Variants in AGAP1 observed in about 807,000 individuals in gnomAD.
AGAP1 encodes the protein arf-GAP with GTPase, ANK repeat and PH domain-containing protein 1.
In AGAP1, 29 loss-of-function variants were observed where a neutral mutation model predicts 105.3. The observed-to-expected ratio is 0.28, with a 90% CI of 0.21 to 0.38. The LOEUF (loss-of-function observed/expected upper bound fraction) is 0.38, where lower values mean the gene tolerates loss of function less well. Ranked by LOEUF, AGAP1 falls within the 10% of genes least tolerant of loss-of-function variation. AGAP1 has a pLI of 1.00. For synonymous variants in AGAP1, 509 were observed against 485.9 expected, an observed-to-expected ratio of 1.05 and a Z score of -0.63; for missense variants, 998 against 1,165.1, an observed-to-expected ratio of 0.86 and a Z score of 2.09.
chr2:235,906,434 G>C lies in AGAP1; in HGVS notation c.1156-2304G>C, dbSNP rs1268992587. On this transcript the variant is annotated intron_variant, in intron 10 of 17. Coordinates refer to ENST00000304032, the MANE Select transcript of AGAP1 (RefSeq NM_001037131.3). The surrounding 1 kb of genome is among the most constrained non-coding windows in gnomAD (Gnocchi z 5.3). ...AGACTTCCGTCCTCAGGGGTCACCAGGGACCCTGAAACATCTTGTCCCTCT... is the reference window on the plus strand; with the variant it reads ...AGACTTCCGTCCTCAGGGGTCACCACGGACCCTGAAACATCTTGTCCCTCT... Among the ~76,000 whole-genome samples the C allele has an allele frequency of 6.6e-6, 1 of 152,156 alleles. No individual in the cohort carries two copies. The highest frequency in any genetic ancestry group is 2.4e-5 in the African/African-American group (1 of 41,442).
rs553138123 is a variant in AGAP1 at position 235,701,868 on chromosome 2, A to G, written c.164-7311A>G. Among the ~76,000 whole-genome samples, 6 of 152,210 alleles carry G rather than the reference A, an allele frequency of 3.9e-5. No individual in the cohort carries two copies. The highest frequency in any genetic ancestry group is 1.4e-4 in the African/African-American group (6 of 41,540). Reference sequence around the variant, plus strand: ...CGATGCTCCTCTCCTCTGTGGATGTACCATCTTTCTTCCATTGTTGTTTTG... The same window carrying G: ...CGATGCTCCTCTCCTCTGTGGATGTGCCATCTTTCTTCCATTGTTGTTTTG... On this transcript the variant is annotated intron_variant, in intron 1 of 17. Transcript: ENST00000304032. The surrounding 1 kb of genome is among the most constrained non-coding windows in gnomAD (Gnocchi z 4.1).
At chr2:236,004,852 G>A (rs912980514) in intron 13 of AGAP1, among the ~76,000 whole-genome samples, 1 of 152,154 alleles carries the variant, frequency 6.6e-6, no homozygotes, top group Non-Finnish European at 1.5e-5. Flanking sequence ...ATGATATATT[G>A]TGACGAGATA....
At chr2:235,667,320 G>T (rs1352701453) in intron 1 of AGAP1, among the ~76,000 whole-genome samples, 1 of 152,186 alleles carries the variant, frequency 6.6e-6, no homozygotes, top group Non-Finnish European at 1.5e-5. Context: ...GAGTAAGTCT[G>T]TGAAAGTTTG....
chr2:236,119,707 G>A lies in AGAP1; in HGVS notation c.2115-485G>A, dbSNP rs1282743438. On this transcript the variant is annotated intron_variant, in intron 16 of 17. Coordinates refer to ENST00000304032, the MANE Select transcript of AGAP1 (RefSeq NM_001037131.3). The surrounding 1 kb of genome is among the most constrained non-coding windows in gnomAD (Gnocchi z 6.6). ...GTCCGTGCTCTCGGCCCCGGAGACCGTGCTTCCATCGTGCTGGTCCCAGGC... is the reference window on the plus strand; with the variant it reads ...GTCCGTGCTCTCGGCCCCGGAGACCATGCTTCCATCGTGCTGGTCCCAGGC... 5.9e-5 allele frequency among the ~76,000 whole-genome samples: 9 copies of A among 151,960 alleles called. No homozygotes were observed. Among genetic ancestry groups the A allele is most frequent in the East Asian group, 3.9e-4 (2 of 5,154 alleles).
intron 1 of AGAP1, among the ~76,000 whole-genome samples, chr2:235,677,467 T>G (rs949388379): frequency 1.3e-5 from 2 of 152,192 alleles, no homozygotes; most frequent in African/African-American, 4.8e-5. Context: ...TGACGGTTTC[T>G]TTCCTATACT....
chr2:235,764,057 T>C (rs59318814), intron 6 of AGAP1, among the ~76,000 whole-genome samples: 6 of 132,290 alleles, frequency 4.5e-5, no homozygotes, highest in East Asian at 2.2e-4. Context: ...CCGGCCCGTG[T>C]GTGGCGGTTG....
In AGAP1 at chr2:235,801,413, T is replaced by C. The variant is rs959848751; in HGVS notation, c.957+1891T>C. Among the ~76,000 whole-genome samples, 1 of 151,746 alleles carries C rather than the reference T, an allele frequency of 6.6e-6. No homozygotes were observed. Among genetic ancestry groups the C allele is most frequent in the African/African-American group, 2.4e-5 (1 of 41,258 alleles). ...ATCGTGTTAAGCATATGTGATAGAT[T>C]AGGAGGTGGGTATTTAGGTTTCTGT... On this transcript the variant is annotated intron_variant, in intron 8 of 17. Coordinates refer to ENST00000304032, the MANE Select transcript of AGAP1 (RefSeq NM_001037131.3). The surrounding 1 kb of genome is among the most constrained non-coding windows in gnomAD (Gnocchi z 6.0).
chr2:235,675,193 T>G (rs1196978926), intron 1 of AGAP1, among the ~76,000 whole-genome samples: 1 of 98,504 alleles, frequency 1.0e-5, no homozygotes, highest in Non-Finnish European at 2.2e-5. Context: ...TTGGTTGGTT[T>G]TTTTTTTTTT....
chr2:235,503,950 G>T (rs1298852195), intron 1 of AGAP1, among the ~76,000 whole-genome samples: 1 of 152,156 alleles, frequency 6.6e-6, no homozygotes, highest in African/African-American at 2.4e-5. Context: ...ACAGTGGCAC[G>T]ATCGTGGCTC....
At chr2:236,041,469 G>A (rs918955732) in intron 15 of AGAP1, among the ~76,000 whole-genome samples, 5 of 151,800 alleles carry the variant, frequency 3.3e-5, no homozygotes, top group Non-Finnish European at 5.9e-5. Flanking sequence ...TTGTGCCATC[G>A]AGTACCCCAG....
chr2:235,959,145 C>G lies in AGAP1; in HGVS notation c.1484-9317C>G, dbSNP rs1415696333. Among the ~76,000 whole-genome samples, 2 of 152,190 alleles carry G rather than the reference C, an allele frequency of 1.3e-5. No homozygotes were observed. The highest frequency in any genetic ancestry group is 1.3e-4 in the Admixed American group (2 of 15,284). ...CATGGCTTTTTTCTCTTAGCCTCTCCCCTCCCATACTTAACGCCGTCGACA... is the reference window on the plus strand; with the variant it reads ...CATGGCTTTTTTCTCTTAGCCTCTCGCCTCCCATACTTAACGCCGTCGACA... On this transcript the variant is annotated intron_variant, in intron 12 of 17. Coordinates refer to ENST00000304032, the MANE Select transcript of AGAP1 (RefSeq NM_001037131.3). The surrounding 1 kb of genome is among the most constrained non-coding windows in gnomAD (Gnocchi z 7.3).
At chr2:235,806,000 T>C (rs544926561) in intron 8 of AGAP1, among the ~76,000 whole-genome samples, 1 of 152,328 alleles carries the variant, frequency 6.6e-6, no homozygotes, top group East Asian at 1.9e-4. Context: ...TGAGTTTCCA[T>C]CATGGGAACT....
chr2:235,770,133 C>CTTTTTTTTTTT (rs57008190), intron 6 of AGAP1, among the ~76,000 whole-genome samples: 21,506 of 133,348 alleles, frequency 0.16, 2,330 homozygotes, highest in Admixed American at 0.28. Context: ...TTCTTTGTTT[C>CTTTTTTTTTTT]TTTTTTTTTT....
At chr2:235,991,486 G>A (rs1008803474) in intron 13 of AGAP1, among the ~76,000 whole-genome samples, 3 of 152,178 alleles carry the variant, frequency 2.0e-5, no homozygotes, top group African/African-American at 7.2e-5. Flanking sequence ...GAGGTGGGAA[G>A]GTCGCTTGAG....
Position 235,877,803 on chromosome 2 carries a change from C to T in AGAP1, c.1051-5542C>T, listed in dbSNP as rs985498072. ...GGATCTTGTTACATTTGGATTGATCCCTCCCCCTCTTGGGTACACCCAACC... is the reference window on the plus strand; with the variant it reads ...GGATCTTGTTACATTTGGATTGATCTCTCCCCCTCTTGGGTACACCCAACC... On this transcript the variant is annotated intron_variant, in intron 9 of 17. Coordinates refer to ENST00000304032, the MANE Select transcript of AGAP1 (RefSeq NM_001037131.3). This position sits in a 1 kb window ranked among gnomAD's most constrained non-coding sequence, Gnocchi z 4.3. Among the ~76,000 whole-genome samples the T allele has an allele frequency of 1.3e-5, 2 of 152,156 alleles. No homozygotes were observed. The highest frequency in any genetic ancestry group is 2.9e-5 in the Non-Finnish European group (2 of 68,034).
intron 11 of AGAP1, among the ~76,000 whole-genome samples, chr2:235,913,952 C>T (rs1193826659): frequency 1.3e-5 from 2 of 151,818 alleles, no homozygotes; most frequent in African/African-American, 4.9e-5. Context: ...GTATTATAGC[C>T]TCCAGCAAAG....
intron 6 of AGAP1, among the ~76,000 whole-genome samples, chr2:235,764,096 G>A (rs1229812163): frequency 1.3e-5 from 2 of 152,136 alleles, no homozygotes; most frequent in Non-Finnish European, 2.9e-5. Flanking sequence ...ATGTGGAGGC[G>A]AACTTCCACG....
Position 235,904,360 on chromosome 2 carries a change from A to T in AGAP1, c.1156-4378A>T, listed in dbSNP as rs2051203631. The stretch of plus-strand genomic sequence containing the variant: ...CTGCTTGGAAAAAATAAGCCGCATG[A>T]TGATCATGGACAACTTGAGAAGGAA... On this transcript the variant is annotated intron_variant, in intron 10 of 17. Transcript: ENST00000304032. This position sits in a 1 kb window ranked among gnomAD's most constrained non-coding sequence, Gnocchi z 4.2. Among the ~76,000 whole-genome samples, 1 of 152,136 alleles carries T rather than the reference A, an allele frequency of 6.6e-6. No homozygotes were observed. Among genetic ancestry groups the T allele is most frequent in the Admixed American group, 6.5e-5 (1 of 15,278 alleles).
chr2:235,860,501 G>A (rs1559574919), intron 9 of AGAP1, among the ~76,000 whole-genome samples: 5 of 152,102 alleles, frequency 3.3e-5, no homozygotes, highest in African/African-American at 1.2e-4. Flanking sequence ...ATGGTATCTA[G>A]GATAGTGTTA....
Sources: allele counts gnomAD v4.1 joint callset (sites outside exome capture counted in the v4.1 genomes callset), GRCh38; gene constraint gnomAD v4.1.1; non-coding constraint Gnocchi (gnomAD v3.1); transcripts MANE v1.5; gene names NCBI Gene and HGNC (gene_info 2026-07-23, HGNC 2026-07-21).